Variants in ALKBH8 observed in about 807,000 individuals in gnomAD.
ALKBH8 encodes tRNA (carboxymethyluridine(34)-5-O)-methyltransferase ALKBH8.
In ALKBH8, 36 loss-of-function variants were observed where a neutral mutation model predicts 59.8. That is an observed-to-expected ratio of 0.60 (90% CI 0.46 to 0.79). ALKBH8 has a LOEUF of 0.79. Among genes scored for constraint, ALKBH8 ranks in the 30% least tolerant of loss-of-function variants. ALKBH8 has a pLI of 0.00. For missense variants in ALKBH8, 768 were observed against 801.0 expected (o/e 0.96, Z 0.50); for synonymous variants, 276 against 273.6 (o/e 1.01, Z -0.09).
At chr11:107,544,815 CCACACACACA>C (rs5794557) in intron 7 of ALKBH8, among the ~76,000 whole-genome samples, 5,605 of 138,522 alleles carry the variant, frequency 0.04, 137 homozygotes, top group African/African-American at 0.058. Context: ...TAGATACAAA[CCACACACACA>C]CACACACACA....
intron 11 of ALKBH8, among the ~76,000 whole-genome samples, chr11:107,506,080 A>C (rs1186567915): frequency 6.6e-6 from 1 of 152,220 alleles, no homozygotes; most frequent in Non-Finnish European, 1.5e-5. Context: ...TTTAGCAGCC[A>C]ATGTTAGAGA....
At chr11:107,507,214 G>A (rs535659342) in intron 11 of ALKBH8, among the ~76,000 whole-genome samples, 6 of 152,174 alleles carry the variant, frequency 3.9e-5, no homozygotes, top group African/African-American at 1.4e-4. Context: ...AATATTTCCA[G>A]TTCCACAGCT....
intron 7 of ALKBH8, among the ~76,000 whole-genome samples, chr11:107,549,192 G>A (rs1864395779): frequency 6.6e-6 from 1 of 152,116 alleles, no homozygotes. Context: ...TGTAGGTTGC[G>A]TGGATCACTT....
chr11:107,507,386 G>A (rs745554181), intron 11 of ALKBH8, among the ~76,000 whole-genome samples: 5 of 152,124 alleles, frequency 3.3e-5, no homozygotes, highest in Non-Finnish European at 7.4e-5. Flanking sequence ...ACATAGAGAA[G>A]TGAATTAATA....
intron 4 of ALKBH8, among the ~76,000 whole-genome samples, 165 bp from the exon 5 acceptor site, chr11:107,553,368 T>C (rs1864574555): frequency 6.6e-6 from 1 of 152,178 alleles, no homozygotes; most frequent in South Asian, 2.1e-4. Flanking sequence ...ATATTTGTTG[T>C]TATTTCAAGT....
At chr11:107,535,688 G>A (rs1034450285) in intron 7 of ALKBH8, among the ~76,000 whole-genome samples, 1 of 151,946 alleles carries the variant, frequency 6.6e-6, no homozygotes, top group East Asian at 1.9e-4. Context: ...ATGGAGTATG[G>A]GCTTAAGCAA....
intron 6 of ALKBH8, among the ~76,000 whole-genome samples, chr11:107,550,546 T>TGCTCTACAGGAACGGCCTCTGC (rs1864446271): frequency 6.6e-6 from 1 of 152,214 alleles, no homozygotes; most frequent in East Asian, 1.9e-4. Context: ...CCGGCCTCTG[T>TGCTCTACAGGAACGGCCTCTGC]GCTCTACAGG....
intron 2 of ALKBH8, 39 bp from the exon 3 acceptor site, chr11:107,557,042 G>A: frequency 7.3e-7 from 1 of 1,378,328 alleles, no homozygotes; most frequent in Non-Finnish European, 9.7e-7. Flanking sequence ...AAAGTAACAT[G>A]AGCAACTGAT....
intron 7 of ALKBH8, among the ~76,000 whole-genome samples, chr11:107,537,180 G>A (rs1863852135): frequency 6.6e-6 from 1 of 152,242 alleles, no homozygotes; most frequent in Admixed American, 6.5e-5. Flanking sequence ...AATGGTTATT[G>A]TTGGGTTAGT....
chr11:107,551,911 A>G lies in ALKBH8; in HGVS notation c.597T>C (p.Gly199=). ...AAAAGCTTTCACAAATGTCAGGAAG[A>G]CCTACAATGAGTAATCATAAAGACA... is the stretch of plus-strand genomic sequence containing the variant. ...NVDKDKPLSG[G]LPDICESFLE... The change falls in exon 6 of 12, where the codon GGT becomes GGC. Residue 199 remains glycine, a splice_region_variant and synonymous_variant. Transcript: ENST00000428149. 1 of 1,473,064 alleles carries G rather than the reference A, an allele frequency of 6.8e-7. No individual in the cohort carries two copies. The highest frequency in any genetic ancestry group is 9.0e-7 in the Non-Finnish European group (1 of 1,107,748). The allele number at this position is 1,473,064 out of a possible 1,614,324, so 91.2% of individuals were successfully genotyped here.
intron 10 of ALKBH8, 135 bp downstream of exon 10, chr11:107,522,164 A>T: frequency 9.0e-7 from 1 of 1,114,050 alleles, no homozygotes; most frequent in Non-Finnish European, 1.2e-6. Flanking sequence ...GAATAAAAAA[A>T]ATCATTAATT....
In ALKBH8 at chr11:107,505,142, C is replaced by A. The variant is rs1368412047; in HGVS notation, c.1511G>T (p.Trp504Leu). The A allele has an allele frequency of 1.7e-5, 27 of 1,550,970 alleles. No individual in the cohort carries two copies. Among genetic ancestry groups the A allele is most frequent in the Non-Finnish European group, 2.3e-5 (26 of 1,146,902 alleles). The change falls in exon 12 of 12, where the codon TGG becomes TTG. Residue 504 changes from tryptophan (W) to leucine (L), a missense_variant. Coordinates refer to ENST00000428149, the MANE Select transcript of ALKBH8 (RefSeq NM_138775.3). ...RPGGKALIYV[W>L]AMEQEYNKQK... The stretch of plus-strand genomic sequence containing the variant: ...CTTATTATATTCTTGTTCCATTGCC[C>A]AGACATAAATGAGTGCCTTCCCACC...
At chr11:107,547,246 C>CAA (rs1864300319) in intron 7 of ALKBH8, among the ~76,000 whole-genome samples, 2 of 152,194 alleles carry the variant, frequency 1.3e-5, no homozygotes, top group African/African-American at 2.4e-5. Context: ...GTATAGTACT[C>CAA]AGATTCTAGG....
Position 107,514,658 on chromosome 11 carries a change from G to C in ALKBH8, c.1288-3622C>G, listed in dbSNP as rs568202040. Among the ~76,000 whole-genome samples, 35 of 152,182 alleles carry C rather than the reference G, an allele frequency of 2.3e-4. 1 individual carries two copies. The South Asian group carries it at 5.8e-3, about 25-fold the overall frequency. The stretch of plus-strand genomic sequence containing the variant: ...CATCAGCCAACAGTCAGAATATCAA[G>C]ATGACAATACCACTCAAATAATCTG... On this transcript the variant is annotated intron_variant, in intron 10 of 11. Coordinates refer to ENST00000428149, the MANE Select transcript of ALKBH8 (RefSeq NM_138775.3).
chr11:107,562,297 C>CAAA (rs11411393), intron 1 of ALKBH8, among the ~76,000 whole-genome samples: 4 of 127,312 alleles, frequency 3.1e-5, no homozygotes, highest in African/African-American at 1.1e-4. Context: ...AATTCCATCT[C>CAAA]AAAAAAAAAA....
chr11:107,560,056 T>C (rs1864875623), intron 2 of ALKBH8, among the ~76,000 whole-genome samples: 1 of 152,134 alleles, frequency 6.6e-6, no homozygotes, highest in Non-Finnish European at 1.5e-5. Flanking sequence ...TCTAACAATC[T>C]AATGGGGTTA....
chr11:107,509,889 T>C (rs1862552014), intron 11 of ALKBH8, among the ~76,000 whole-genome samples: 1 of 152,216 alleles, frequency 6.6e-6, no homozygotes, highest in Non-Finnish European at 1.5e-5. Flanking sequence ...CTTTTATAAC[T>C]TGAAAATAAG....
intron 7 of ALKBH8, among the ~76,000 whole-genome samples, chr11:107,537,866 T>C (rs2037827): frequency 0.25 from 38,127 of 152,024 alleles, 5,546 homozygotes; most frequent in East Asian, 0.47. Context: ...TGGCACTAAA[T>C]AGAAAATAAA....
intron 11 of ALKBH8, among the ~76,000 whole-genome samples, chr11:107,507,504 A>C (rs1862439321): frequency 6.6e-6 from 1 of 152,178 alleles, no homozygotes; most frequent in Non-Finnish European, 1.5e-5. Flanking sequence ...ATGGTTGAAA[A>C]AAAGATTATT....
Sources: gnomAD v4.1 joint callset for allele counts (sites outside exome capture counted in the v4.1 genomes callset) on GRCh38, gnomAD v4.1.1 for gene constraint, MANE v1.5 for transcripts, NCBI Gene and HGNC (gene_info 2026-07-23, HGNC 2026-07-21) for gene names.